The following PPP2R1A variants were observed in gnomAD, a reference collection of about 807,000 sequenced individuals.
PPP2R1A encodes the protein protein phosphatase 2 scaffold subunit Aalpha.
A neutral mutation model predicts 67.1 loss-of-function variants in PPP2R1A; 15 were observed. The observed-to-expected ratio is 0.22, with a 90% CI of 0.15 to 0.34. PPP2R1A has a LOEUF of 0.34. PPP2R1A is among the 10% of genes least tolerant of loss of function. The pLI is 1.00. For missense variants in PPP2R1A, 369 were observed against 775.0 expected, an observed-to-expected ratio of 0.48 and a Z score of 6.22; for synonymous variants, 337 against 325.0, an observed-to-expected ratio of 1.04 and a Z score of -0.40.
Position 52,205,216 on chromosome 19 carries a change from A to C in PPP2R1A, c.170-747A>C, listed in dbSNP as rs73575032. On this transcript the variant is annotated intron_variant, in intron 2 of 14. Transcript: ENST00000322088. The stretch of plus-strand genomic sequence containing the variant: ...TATTAGCAGCTTGTGCTGTGCAGAG[A>C]TCAGCAGTTCCCACTGCCTCAGGGA... Among the ~76,000 whole-genome samples, 1,470 of 152,302 alleles carry C rather than the reference A, an allele frequency of 9.7e-3. 27 individuals are homozygous for C. The highest frequency in any genetic ancestry group is 0.034 in the African/African-American group (1,410 of 41,556).
At chr19:52,225,361 T>C (rs1979190683) in intron 13 of PPP2R1A, among the ~76,000 whole-genome samples, 2 of 152,170 alleles carry the variant, frequency 1.3e-5, no homozygotes, top group Non-Finnish European at 2.9e-5. Flanking sequence ...TATATATTTA[T>C]GGGGGTATAG....
chr19:52,211,647 A>T lies in PPP2R1A; in HGVS notation c.503+155A>T, dbSNP rs564846320. Reference sequence around the variant, plus strand: ...CCACCTGATAGGCCACATCCTCGAGAGTTGGTCTCTGGACACGGCCACGTG... The same window carrying T: ...CCACCTGATAGGCCACATCCTCGAGTGTTGGTCTCTGGACACGGCCACGTG... On this transcript the variant is annotated intron_variant, in intron 4 of 14. Coordinates refer to ENST00000322088, the MANE Select transcript of PPP2R1A (RefSeq NM_014225.6). This position sits in a 1 kb window ranked among gnomAD's most constrained non-coding sequence, Gnocchi z 5.3. 337 of 755,954 alleles carry T rather than the reference A, an allele frequency of 4.5e-4. No homozygotes were observed. Among genetic ancestry groups the T allele is most frequent in the Non-Finnish European group, 6.7e-4 (317 of 476,444 alleles). 46.8% of individuals were successfully genotyped at this position (755,954 alleles called of 1,614,324 possible). A position where few individuals can be genotyped will look rare whatever the true frequency, so the allele number is the denominator to read the frequency against.
chr19:52,214,053 A>ATCTGTCT (rs1978422077), intron 6 of PPP2R1A, among the ~76,000 whole-genome samples: 1 of 152,136 alleles, frequency 6.6e-6, no homozygotes, highest in African/African-American at 2.4e-5. Flanking sequence ...ACAGACAGAC[A>ATCTGTCT]GATGTGGGGC....
At position 52,216,493 on chromosome 19, in the gene PPP2R1A, G is replaced by T; in HGVS notation, c.994-36G>T. 1.9e-6 allele frequency: 3 copies of T among 1,613,510 alleles called. No individual in the cohort carries two copies. Among genetic ancestry groups the T allele is most frequent in the Non-Finnish European group, 2.5e-6 (3 of 1,179,744 alleles). ...TTAGCCACTTGCTGCTGCAGGGGTT[G>T]CACTGACCCCTGTGCCTGCCTCTTC... On this transcript the variant is annotated intron_variant, in intron 8 of 14. Coordinates refer to ENST00000322088, the MANE Select transcript of PPP2R1A (RefSeq NM_014225.6). This position sits in a 1 kb window ranked among gnomAD's most constrained non-coding sequence, Gnocchi z 4.3.
At chr19:52,208,576 T>C (rs2122321117) in intron 3 of PPP2R1A, among the ~76,000 whole-genome samples, 1 of 152,320 alleles carries the variant, frequency 6.6e-6, no homozygotes, top group South Asian at 2.1e-4. Context: ...CTCAGCTCAC[T>C]GCAGCCTCTG....
intron 1 of PPP2R1A, among the ~76,000 whole-genome samples, chr19:52,195,585 C>T (rs568644930): frequency 1.3e-5 from 2 of 152,354 alleles, no homozygotes; most frequent in Admixed American, 6.5e-5. Context: ...GTCGTCAGAA[C>T]TTCTGATCTA....
rs562277617 is a variant in PPP2R1A at position 52,201,794 on chromosome 19, C to T, written c.79-150C>T. The stretch of plus-strand genomic sequence containing the variant: ...AATGATTCCCTCGAGGTCACAGGGT[C>T]TCTTGGTGGGTGTTTGCCAAATTAC... On this transcript the variant is annotated intron_variant, in intron 1 of 14. Coordinates refer to ENST00000322088, the MANE Select transcript of PPP2R1A (RefSeq NM_014225.6). 12 of 629,280 alleles carry T rather than the reference C, an allele frequency of 1.9e-5. No homozygotes were observed. In the South Asian group the frequency reaches 2.2e-4, roughly 12 times the overall value. 39.0% of individuals were successfully genotyped at this position (629,280 alleles called of 1,614,324 possible).
chr19:52,221,222 A>C (rs1310732772), intron 12 of PPP2R1A, 89 bp downstream of exon 12: 3 of 1,536,826 alleles, frequency 2.0e-6, no homozygotes, highest in African/African-American at 2.7e-5. Context: ...CAAGGGAGAC[A>C]CCTGGCTTGG....
chr19:52,197,100 T>C (rs1040895901), intron 1 of PPP2R1A, among the ~76,000 whole-genome samples: 5 of 152,172 alleles, frequency 3.3e-5, no homozygotes, highest in African/African-American at 1.2e-4. Flanking sequence ...CCCAGGCAGG[T>C]CCATGAATTT....
chr19:52,209,216 C>T (rs770362039), intron 3 of PPP2R1A, among the ~76,000 whole-genome samples: 4 of 143,094 alleles, frequency 2.8e-5, no homozygotes, highest in African/African-American at 7.4e-5. Context: ...AACAGATTGC[C>T]GTAAGTTCCA....
chr19:52,196,900 C>A (rs1439588765), intron 1 of PPP2R1A, among the ~76,000 whole-genome samples: 1 of 152,238 alleles, frequency 6.6e-6, no homozygotes, highest in African/African-American at 2.4e-5. Flanking sequence ...TGACCCCCAT[C>A]CCTATAAGTT....
chr19:52,222,267 A>G, intron 13 of PPP2R1A, 26 bp downstream of exon 13: 2 of 1,604,384 alleles, frequency 1.2e-6, no homozygotes, highest in Non-Finnish European at 1.7e-6. Flanking sequence ...TCCCCCACAC[A>G]CTGGCAGGGG....
chr19:52,212,543 A>G lies in PPP2R1A; in HGVS notation c.504-143A>G, dbSNP rs2089680083. The G allele has an allele frequency of 5.0e-6, 5 of 996,818 alleles. No individual in the cohort carries two copies. The highest frequency in any genetic ancestry group is 3.3e-5 in the South Asian group (2 of 60,686). 61.7% of individuals were successfully genotyped at this position (996,818 alleles called of 1,614,324 possible). A position where few individuals can be genotyped will look rare whatever the true frequency, so the allele number is the denominator to read the frequency against. ...GTACTGTTACTATCAGCTCCGTTTC[A>G]TAGGGCTGGGAAGACAGAGAGGGGG... On this transcript the variant is annotated intron_variant, in intron 4 of 14. Transcript: ENST00000322088. The surrounding 1 kb of genome is among the most constrained non-coding windows in gnomAD (Gnocchi z 4.1).
intron 3 of PPP2R1A, among the ~76,000 whole-genome samples, chr19:52,210,484 CTTTTTTTTTT>C (rs112983236): frequency 4.7e-5 from 6 of 126,970 alleles, no homozygotes; most frequent in South Asian, 2.5e-4. Context: ...GTTTTCTCTT[CTTTTTTTTTT>C]TTTTTTTTTT....
chr19:52,196,513 C>T (rs919678478), intron 1 of PPP2R1A, among the ~76,000 whole-genome samples: 2 of 152,194 alleles, frequency 1.3e-5, no homozygotes, highest in Non-Finnish European at 2.9e-5. Flanking sequence ...GGTTCTTTCC[C>T]TCCTCCCTTT....
Position 52,228,966 on chromosome 19 carries a change from G to A in PPP2R1A, c.*2985G>A, listed in dbSNP as rs1453971874. 1.3e-5 allele frequency: 2 copies of A among 152,230 alleles called. No individual in the cohort carries two copies. The highest frequency in any genetic ancestry group is 3.9e-4 in the East Asian group (2 of 5,188). The allele number at this position is 152,230 out of a possible 1,614,324, so 9.4% of individuals were successfully genotyped here. ...GGTGCAGAATCTGCCTATGGTGCTT[G>A]AGCTGTGGTTGTCGCTAGAGGAGAA... is the stretch of plus-strand genomic sequence containing the variant. On this transcript the variant is annotated 3_prime_UTR_variant, in exon 15 of 15. Transcript: ENST00000322088.
chr19:52,210,352 A>G (rs186340168), intron 3 of PPP2R1A, among the ~76,000 whole-genome samples: 1 of 152,220 alleles, frequency 6.6e-6, no homozygotes, highest in Non-Finnish European at 1.5e-5. Flanking sequence ...ATAGTCCCCC[A>G]GAAACATGAG....
chr19:52,190,760 A>C (rs1034499752), intron 1 of PPP2R1A, among the ~76,000 whole-genome samples: 6 of 152,214 alleles, frequency 3.9e-5, no homozygotes, highest in Non-Finnish European at 8.8e-5. Flanking sequence ...AGCCAAGTTT[A>C]GGAGCGAATT....
At chr19:52,221,883 A>C (rs925199843) in intron 12 of PPP2R1A, 9 of 490,076 alleles carry the variant, frequency 1.8e-5, no homozygotes, top group Admixed American at 7.8e-5. Context: ...GTCGATCTCC[A>C]GAATAATTAA....
Sources: gnomAD v4.1 joint callset for allele counts (sites outside exome capture counted in the v4.1 genomes callset) on GRCh38, gnomAD v4.1.1 for gene constraint, Gnocchi (gnomAD v3.1) non-coding constraint, MANE v1.5 for transcripts, NCBI Gene and HGNC (gene_info 2026-07-23, HGNC 2026-07-21) for gene names.